COL23A1: variants seen among roughly 807,000 people sequenced by gnomAD.
COL23A1 encodes collagen alpha-1(XXIII) chain.
A neutral mutation model predicts 99.3 loss-of-function variants in COL23A1; 97 were observed. The ratio of observed to expected loss-of-function variants is 0.98; its 90% CI spans 0.83 to 1.16. COL23A1 has a LOEUF of 1.16. Ranked by LOEUF, COL23A1 falls within the 50% of genes most tolerant of loss-of-function variation. The pLI, the probability that COL23A1 is intolerant of heterozygous loss-of-function variation, is 0.00. For synonymous variants in COL23A1, 320 were observed against 308.2 expected (o/e 1.04, Z -0.40); for missense variants, 762 against 757.4 (o/e 1.01, Z -0.07).
Position 178,590,176 on chromosome 5 carries a change from C to G in COL23A1, c.22G>C (p.Gly8Arg), listed in dbSNP as rs1205302323. Residue 8 changes from glycine to arginine, a missense_variant, in exon 1 of 29, where the codon GGT becomes CGT. Gly to Arg is a moderately radical substitution (Grantham distance 125, BLOSUM62 -2). Transcript: ENST00000390654. This position sits in a 1 kb window ranked among gnomAD's most constrained non-coding sequence, Gnocchi z 5.7. Reference sequence around the variant, plus strand: ...CCCTTCCCCGCGTCGCCGCCGCCACCGGCGCGCTCGCCTGGGCCCATGGCG... The same window carrying G: ...CCCTTCCCCGCGTCGCCGCCGCCACGGGCGCGCTCGCCTGGGCCCATGGCG... Reference protein sequence around the residue: MGPGERAGGGGDAGKGNA... With the variant: MGPGERARGGGDAGKGNA... 3 of 1,220,224 alleles carry G rather than the reference C, an allele frequency of 2.5e-6. No individual in the cohort carries two copies. The East Asian group carries it at 1.0e-4, about 42-fold the overall frequency. The allele number at this position is 1,220,224 out of a possible 1,614,324, so 75.6% of individuals were successfully genotyped here. A position where few individuals can be genotyped will look rare whatever the true frequency, so the allele number is the denominator to read the frequency against.
At chr5:178,555,849 C>T (rs879549753) in intron 2 of COL23A1, among the ~76,000 whole-genome samples, 2 of 152,164 alleles carry the variant, frequency 1.3e-5, no homozygotes, top group African/African-American at 2.4e-5. Flanking sequence ...AGGGCAGCTC[C>T]CAGGGGGAGG....
intron 2 of COL23A1, among the ~76,000 whole-genome samples, chr5:178,430,812 G>C (rs1766219560): frequency 6.6e-6 from 1 of 152,208 alleles, no homozygotes; most frequent in Non-Finnish European, 1.5e-5. Context: ...TTCTCTCCCA[G>C]CCATGCATAG....
intron 1 of COL23A1, among the ~76,000 whole-genome samples, chr5:178,586,680 C>CT (rs929915044): frequency 4.6e-5 from 7 of 150,696 alleles, no homozygotes; most frequent in Admixed American, 2.0e-4. Flanking sequence ...TGAAAGGAAA[C>CT]TTTTTTTTGT....
chr5:178,252,574 GGGCCCCTGTGGTCCGGGA>G lies in COL23A1; in HGVS notation c.966_983del (p.Gln326_Pro331del). On this transcript the variant is annotated inframe_deletion, in exon 17 of 29. Coordinates refer to ENST00000390654, the MANE Select transcript of COL23A1 (RefSeq NM_173465.4). ...CTCCAGGGATCCCTGGTGGCCCTGG[GGGCCCCTGTGGTCCGGGA>G]GGCCCCTGTGTGTGAGAGTGAAGCC... is the stretch of plus-strand genomic sequence containing the variant. The G allele has an allele frequency of 5.0e-6, 8 of 1,611,570 alleles. No individual in the cohort carries two copies. The highest frequency in any genetic ancestry group is 6.8e-6 in the Non-Finnish European group (8 of 1,179,058).
intron 5 of COL23A1, among the ~76,000 whole-genome samples, chr5:178,272,583 C>G (rs1286993037): frequency 6.6e-6 from 1 of 152,134 alleles, no homozygotes; most frequent in Non-Finnish European, 1.5e-5. Flanking sequence ...AGGGCCTCAG[C>G]CTCCATCACA....
intron 1 of COL23A1, among the ~76,000 whole-genome samples, chr5:178,585,881 C>T (rs969972011): frequency 7.2e-5 from 11 of 152,222 alleles, no homozygotes; most frequent in African/African-American, 1.7e-4. Flanking sequence ...ATCGCATTAC[C>T]CTTGCCAGTG....
chr5:178,514,402 T>TAG (rs2127997603), intron 2 of COL23A1, among the ~76,000 whole-genome samples: 1 of 152,374 alleles, frequency 6.6e-6, no homozygotes, highest in Admixed American at 6.5e-5. Flanking sequence ...GCCCCTGCTT[T>TAG]CAACTGTTTG....
chr5:178,361,294 G>A (rs1446149414), intron 2 of COL23A1, among the ~76,000 whole-genome samples: 2 of 152,194 alleles, frequency 1.3e-5, no homozygotes, highest in Non-Finnish European at 2.9e-5. Context: ...GGGACAAACT[G>A]AGACGATCTC....
chr5:178,550,103 T>A (rs1761923912), intron 2 of COL23A1, among the ~76,000 whole-genome samples: 1 of 152,344 alleles, frequency 6.6e-6, no homozygotes, highest in South Asian at 2.1e-4. Flanking sequence ...ATTTCTGGAA[T>A]CTGAAGTGCT....
chr5:178,292,302 C>T (rs551276964), intron 3 of COL23A1, among the ~76,000 whole-genome samples: 12 of 152,230 alleles, frequency 7.9e-5, no homozygotes, highest in Non-Finnish European at 1.8e-4. Flanking sequence ...TTCAATTAGG[C>T]CACTGTCCCC....
At chr5:178,523,201 T>TATATATATATATATATATAG (rs1223542330) in intron 2 of COL23A1, among the ~76,000 whole-genome samples, 2 of 77,632 alleles carry the variant, frequency 2.6e-5, no homozygotes, top group Non-Finnish European at 5.0e-5. Context: ...TATATATATA[T>TATATATATATATATATATAG]AGAGAGAGAG....
chr5:178,485,943 C>T lies in COL23A1; in HGVS notation c.361+74739G>A, dbSNP rs1757605987. On this transcript the variant is annotated intron_variant, in intron 2 of 28. Transcript: ENST00000390654. ...CAGTGGTGGGAGGGGTGCCGGGGTG[C>T]TTTGCAGAAAAAAGAATCGCAGCTG... Among the ~76,000 whole-genome samples the T allele has an allele frequency of 2.0e-5, 3 of 152,130 alleles. No individual in the cohort carries two copies. In the South Asian group the frequency reaches 6.2e-4, roughly 32 times the overall value.
At chr5:178,321,693 G>A (rs1489484805) in intron 2 of COL23A1, among the ~76,000 whole-genome samples, 4 of 151,778 alleles carry the variant, frequency 2.6e-5, no homozygotes, top group African/African-American at 9.7e-5. Context: ...GTTTCACTGT[G>A]TTAGCCAGGA....
chr5:178,565,152 A>T (rs1762779385), intron 1 of COL23A1, among the ~76,000 whole-genome samples: 1 of 152,262 alleles, frequency 6.6e-6, no homozygotes, highest in Admixed American at 6.5e-5. Flanking sequence ...ATGGGGGAAC[A>T]GCAACTAACA....
At chr5:178,436,685 G>A (rs73336674) in intron 2 of COL23A1, among the ~76,000 whole-genome samples, 143 of 152,288 alleles carry the variant, frequency 9.4e-4, no homozygotes, top group African/African-American at 3.2e-3. Flanking sequence ...GAACAAAGAG[G>A]TGGGAACTCA....
chr5:178,394,637 A>C (rs1028487041), intron 2 of COL23A1, among the ~76,000 whole-genome samples: 1 of 152,218 alleles, frequency 6.6e-6, no homozygotes, highest in African/African-American at 2.4e-5. Flanking sequence ...CTGCAAGTTC[A>C]GCCTCCTGGT....
chr5:178,390,240 G>C (rs1166765915), intron 2 of COL23A1, among the ~76,000 whole-genome samples: 1 of 152,220 alleles, frequency 6.6e-6, no homozygotes, highest in Non-Finnish European at 1.5e-5. Context: ...GAGAGGGAGA[G>C]ACCGGCTAAC....
chr5:178,386,595 G>A (rs1763688069), intron 2 of COL23A1, among the ~76,000 whole-genome samples: 1 of 152,114 alleles, frequency 6.6e-6, no homozygotes, highest in African/African-American at 2.4e-5. Flanking sequence ...GGGGGGTCGG[G>A]GTGGGTGAGT....
intron 2 of COL23A1, among the ~76,000 whole-genome samples, chr5:178,412,628 T>C (rs1246770268): frequency 6.6e-6 from 1 of 152,242 alleles, no homozygotes; most frequent in East Asian, 1.9e-4. Flanking sequence ...CTTTATTTTT[T>C]GGTGAAGCAT....
Sources: gnomAD v4.1 joint callset for allele counts (sites outside exome capture counted in the v4.1 genomes callset) on GRCh38, gnomAD v4.1.1 for gene constraint, Gnocchi (gnomAD v3.1) non-coding constraint, MANE v1.5 for transcripts, NCBI Gene and HGNC (gene_info 2026-07-23, HGNC 2026-07-21) for gene names.